Variants in SECISBP2 observed in about 807,000 individuals in gnomAD.
The protein encoded by SECISBP2 is selenocysteine insertion sequence-binding protein 2.
In SECISBP2, 96 loss-of-function variants were observed where a neutral mutation model predicts 98.2. The ratio of observed to expected loss-of-function variants is 0.98; its 90% CI spans 0.83 to 1.16. The LOEUF (loss-of-function observed/expected upper bound fraction) is 1.16, where lower values mean the gene tolerates loss of function less well. SECISBP2 is among the 50% of genes most tolerant of loss of function. The probability of loss-of-function intolerance (pLI) is 0.00; values close to 1 mark genes in which losing one functional copy is unlikely to be tolerated. For synonymous variants in SECISBP2, 407 were observed against 370.2 expected (o/e 1.10, Z -1.14); for missense variants, 1,046 against 1,022.9 (o/e 1.02, Z -0.31).
At chr9:89,353,912 GGACTT>G (rs1831668623) in intron 14 of SECISBP2, among the ~76,000 whole-genome samples, 1 of 152,168 alleles carries the variant, frequency 6.6e-6, no homozygotes, top group Admixed American at 6.5e-5. Flanking sequence ...GAGGCATAAG[GGACTT>G]GATTGTATAT....
At chr9:89,329,002 A>C (rs1011467790) in intron 5 of SECISBP2, 116 bp downstream of exon 5, 9 of 857,852 alleles carry the variant, frequency 1.0e-5, no homozygotes, top group Non-Finnish European at 1.7e-5. Flanking sequence ...GCTGGGGAGG[A>C]TGTATTGGGG....
chr9:89,339,700 C>CT (rs1173981784), intron 8 of SECISBP2, among the ~76,000 whole-genome samples, 164 bp from the exon 9 acceptor site: 1 of 151,736 alleles, frequency 6.6e-6, no homozygotes, highest in East Asian at 1.9e-4. Flanking sequence ...TAAATTTGCT[C>CT]TAAGTTAAAT....
At chr9:89,328,031 C>G (rs1021868708) in intron 4 of SECISBP2, among the ~76,000 whole-genome samples, 1 of 152,168 alleles carries the variant, frequency 6.6e-6, no homozygotes, top group African/African-American at 2.4e-5. Context: ...GTCTGGAACT[C>G]GTGGCTGCAT....
rs777245323 is a variant in SECISBP2 at position 89,350,782 on chromosome 9, CAA to C, written c.2045_2046del (p.Lys682ThrfsTer17). On this transcript the variant is annotated frameshift_variant, in exon 14 of 17. Transcript: ENST00000375807. LOFTEE classifies it high-confidence loss of function. Reference sequence around the variant, plus strand: ...TTGTGTTGGGGTTGAGGGAGGTTCTCAAACACCTGAAGCTCAAAAAACTGAAA... The same window carrying C: ...TTGTGTTGGGGTTGAGGGAGGTTCTCACACCTGAAGCTCAAAAAACTGAAA... ...RLVLGLREVL[K>X]HLKLKKLKCV... The C allele has an allele frequency of 6.2e-7, 1 of 1,614,212 alleles. No homozygotes were observed. Among genetic ancestry groups the C allele is most frequent in the South Asian group, 1.1e-5 (1 of 91,086 alleles).
the SECISBP2 span, among the ~76,000 whole-genome samples, chr9:89,366,836 C>A: frequency 6.6e-6 from 1 of 152,188 alleles, no homozygotes; most frequent in South Asian, 2.1e-4. Flanking sequence ...ATGTGACCTG[C>A]ACCAAGAACC....
chr9:89,323,402 CAG>C (rs2131564924), intron 2 of SECISBP2: 1 of 152,310 alleles, frequency 6.6e-6, no homozygotes, highest in Admixed American at 6.5e-5. Flanking sequence ...GGGAAAGAGA[CAG>C]AGATAGAGCC....
chr9:89,333,872 G>T (rs1326462000), intron 6 of SECISBP2, among the ~76,000 whole-genome samples: 1 of 152,190 alleles, frequency 6.6e-6, no homozygotes, highest in Non-Finnish European at 1.5e-5. Flanking sequence ...GTATGTGGTT[G>T]AGTAATGGTC....
At chr9:89,333,899 C>T (rs1828187911) in intron 6 of SECISBP2, 2 of 329,080 alleles carry the variant, frequency 6.1e-6, no homozygotes, top group African/African-American at 4.5e-5. Context: ...TCACAGGCTG[C>T]TCTGAGGATG....
At chr9:89,350,138 A>T (rs1831056969) in intron 13 of SECISBP2, among the ~76,000 whole-genome samples, 1 of 152,178 alleles carries the variant, frequency 6.6e-6, no homozygotes, top group Non-Finnish European at 1.5e-5. Context: ...TTCTTGTATT[A>T]ATGATGGAAG....
intron 14 of SECISBP2, among the ~76,000 whole-genome samples, chr9:89,352,644 C>G (rs1237284537): frequency 6.6e-6 from 1 of 152,198 alleles, no homozygotes; most frequent in Non-Finnish European, 1.5e-5. Flanking sequence ...CCTGCCAGCT[C>G]TTGGAAGTAT....
chr9:89,323,284 T>G (rs1826115878), intron 2 of SECISBP2: 1 of 152,186 alleles, frequency 6.6e-6, no homozygotes, highest in Non-Finnish European at 1.5e-5. Context: ...CTAGGGAAGG[T>G]GCTGGATTGT....
chr9:89,339,802 A>C, intron 8 of SECISBP2, 62 bp from the exon 9 acceptor site: 3 of 1,144,618 alleles, frequency 2.6e-6, no homozygotes. Context: ...TAAGCAAGGA[A>C]AAGGTTGCAC....
chr9:89,328,942 A>G, intron 5 of SECISBP2, 56 bp downstream of exon 5: 1 of 1,349,332 alleles, frequency 7.4e-7, no homozygotes, highest in Non-Finnish European at 1.0e-6. Flanking sequence ...AAATTGTCTC[A>G]TTTCAAACAT....
intron 4 of SECISBP2, among the ~76,000 whole-genome samples, chr9:89,327,369 A>G (rs1353831147): frequency 1.3e-5 from 2 of 152,134 alleles, no homozygotes; most frequent in East Asian, 1.9e-4. Flanking sequence ...ATTTTTTTCA[A>G]TAATTAACCT....
chr9:89,359,968 T>G (rs1832637858), downstream of SECISBP2, among the ~76,000 whole-genome samples: 1 of 152,228 alleles, frequency 6.6e-6, no homozygotes, highest in Non-Finnish European at 1.5e-5. Context: ...AATTCAGTCT[T>G]GGCAATATTG....
At chr9:89,335,542 A>G (rs903712840) in intron 7 of SECISBP2, among the ~76,000 whole-genome samples, 2 of 152,054 alleles carry the variant, frequency 1.3e-5, no homozygotes, top group Non-Finnish European at 2.9e-5. Flanking sequence ...CATATTGGCT[A>G]GGCTAATCTC....
At chr9:89,337,135 T>C (rs916677080) in intron 7 of SECISBP2, among the ~76,000 whole-genome samples, 4 of 152,232 alleles carry the variant, frequency 2.6e-5, no homozygotes, top group South Asian at 2.1e-4. Context: ...TTTCCTAATA[T>C]GCAGTTAGCA....
At chr9:89,324,289 GGACA>G (rs1327937272) in intron 2 of SECISBP2, 1 of 152,074 alleles carries the variant, frequency 6.6e-6, no homozygotes, top group Non-Finnish European at 1.5e-5. Context: ...TTGTTTTGTT[GGACA>G]GACAAAGGTC....
intron 10 of SECISBP2, among the ~76,000 whole-genome samples, chr9:89,343,022 T>G (rs1210101676): frequency 6.6e-6 from 1 of 152,234 alleles, no homozygotes. Context: ...ATGATGACAT[T>G]GTGTAGCTGA....
Sources: gnomAD v4.1 joint callset for allele counts (sites outside exome capture counted in the v4.1 genomes callset) on GRCh38, gnomAD v4.1.1 for gene constraint, MANE v1.5 for transcripts, NCBI Gene and HGNC (gene_info 2026-07-23, HGNC 2026-07-21) for gene names.